PPM1A: variants seen among roughly 807,000 people sequenced by gnomAD.
PPM1A encodes protein phosphatase 1A.
Under a neutral mutation model 35.0 loss-of-function variants are expected in PPM1A, and 7 were observed. That is an observed-to-expected ratio of 0.20 (90% CI 0.11 to 0.38). PPM1A has a LOEUF of 0.38. Ranked by LOEUF, PPM1A falls within the 10% of genes least tolerant of loss-of-function variation. PPM1A has a pLI of 1.00. For missense variants in PPM1A, 239 were observed against 467.8 expected (o/e 0.51, Z 4.51); for synonymous variants, 153 against 167.3 (o/e 0.91, Z 0.66).
chr14:60,260,479 A>G (rs948592077), intron 1 of PPM1A, among the ~76,000 whole-genome samples: 3 of 152,126 alleles, frequency 2.0e-5, no homozygotes, highest in Non-Finnish European at 4.4e-5. Flanking sequence ...ACCTTTTTAT[A>G]TAAAATACTG....
Position 60,249,241 on chromosome 14 carries a change from T to C in PPM1A, c.-457T>C, listed in dbSNP as rs1486473024. ...GCGCTAGAGGCGGCGGCGGCGGCGG[T>C]GGCGGCGCTAGGGACGGGAGCGCGC... is the stretch of plus-strand genomic sequence containing the variant. On this transcript the variant is annotated 5_prime_UTR_variant, in exon 1 of 6. Transcript: ENST00000395076. The surrounding 1 kb of genome is among the most constrained non-coding windows in gnomAD (Gnocchi z 4.5). 34 of 981,846 alleles carry C rather than the reference T, an allele frequency of 3.5e-5. No individual in the cohort carries two copies. The highest frequency in any genetic ancestry group is 5.6e-5 in the African/African-American group (3 of 53,614). 60.8% of individuals were successfully genotyped at this position (981,846 alleles called of 1,614,324 possible). A position where few individuals can be genotyped will look rare whatever the true frequency, so the allele number is the denominator to read the frequency against.
upstream of PPM1A, among the ~76,000 whole-genome samples, chr14:60,246,629 A>G (rs1306362462): frequency 6.6e-6 from 1 of 152,140 alleles, no homozygotes; most frequent in Non-Finnish European, 1.5e-5. Flanking sequence ...TCTTTTTTCA[A>G]TGTTATTTTC....
At position 60,249,579 on chromosome 14, in the gene PPM1A, C is replaced by G. The variant is rs528924735; in HGVS notation, c.-119C>G. 1 of 986,742 alleles carries G rather than the reference C, an allele frequency of 1.0e-6. No homozygotes were observed. Among genetic ancestry groups the G allele is most frequent in the Non-Finnish European group, 1.2e-6 (1 of 831,086 alleles). The allele number at this position is 986,742 out of a possible 1,614,324, so 61.1% of individuals were successfully genotyped here. On this transcript the variant is annotated 5_prime_UTR_variant, in exon 1 of 6. Transcript: ENST00000395076. The surrounding 1 kb of genome is among the most constrained non-coding windows in gnomAD (Gnocchi z 4.5). ...GCCCGCCGCTGCAGCGGTGACCCCT[C>G]CCCCGGCTGCCGCCGTCGCCGCCGC...
chr14:60,260,906 T>C (rs759632881), intron 1 of PPM1A, among the ~76,000 whole-genome samples: 9 of 152,210 alleles, frequency 5.9e-5, no homozygotes, highest in Non-Finnish European at 8.8e-5. Context: ...TATTAAGTTA[T>C]TGAGAGACTG....
Position 60,292,959 on chromosome 14 carries a change from G to A in PPM1A, c.*477G>A, listed in dbSNP as rs1887785766. 6.6e-6 allele frequency: 1 copy of A among 152,464 alleles called. No homozygotes were observed. The highest frequency in any genetic ancestry group is 2.4e-5 in the African/African-American group (1 of 41,434). 9.4% of individuals were successfully genotyped at this position (152,464 alleles called of 1,614,324 possible). ...CAGCTACACGCTCAAATGTGCAGATGATTATGGAAAATAACCTCAAAATCT... is the reference window on the plus strand; with the variant it reads ...CAGCTACACGCTCAAATGTGCAGATAATTATGGAAAATAACCTCAAAATCT... On this transcript the variant is annotated 3_prime_UTR_variant, in exon 6 of 6. Coordinates refer to ENST00000395076, the MANE Select transcript of PPM1A (RefSeq NM_021003.5). This position sits in a 1 kb window ranked among gnomAD's most constrained non-coding sequence, Gnocchi z 4.2.
At chr14:60,259,829 A>G (rs998739296) in intron 1 of PPM1A, among the ~76,000 whole-genome samples, 6 of 152,080 alleles carry the variant, frequency 3.9e-5, no homozygotes, top group Admixed American at 2.6e-4. Flanking sequence ...TTTAGCTTAG[A>G]TGTTTTTCTA....
At chr14:60,290,553 A>G (rs1487272844) in intron 4 of PPM1A, among the ~76,000 whole-genome samples, 1 of 152,212 alleles carries the variant, frequency 6.6e-6, no homozygotes, top group East Asian at 1.9e-4. Flanking sequence ...TCAAATATCC[A>G]TATAATTGAC....
Position 60,282,970 on chromosome 14 carries a change from A to G in PPM1A, c.267A>G (p.Ala89=), listed in dbSNP as rs1256148200. The change falls in exon 2 of 6, where the codon GCA becomes GCG. Residue 89 remains alanine (A), a synonymous_variant. Transcript: ENST00000395076. The surrounding 1 kb of genome is among the most constrained non-coding windows in gnomAD (Gnocchi z 5.1). ...ITNNQDFKGS[A]GAPSVENVKN... ...ATAACCAGGATTTTAAAGGGTCTGC[A>G]GGAGCACCTTCTGTGGAAAATGTAA... 3 of 1,614,156 alleles carry G rather than the reference A, an allele frequency of 1.9e-6. No individual in the cohort carries two copies. Among genetic ancestry groups the G allele is most frequent in the Non-Finnish European group, 2.5e-6 (3 of 1,180,058 alleles).
intron 1 of PPM1A, among the ~76,000 whole-genome samples, chr14:60,259,440 GAA>G (rs1840133245): frequency 6.6e-6 from 1 of 152,040 alleles, no homozygotes; most frequent in South Asian, 2.1e-4. Flanking sequence ...TTAAGGAAGA[GAA>G]AAAAGGATGG....
chr14:60,289,951 A>T lies in PPM1A; in HGVS notation c.1061+37A>T. 7.4e-7 allele frequency: 1 copy of T among 1,343,558 alleles called. No homozygotes were observed. Among genetic ancestry groups the T allele is most frequent in the Non-Finnish European group, 1.0e-6 (1 of 981,598 alleles). The allele number at this position is 1,343,558 out of a possible 1,614,324, so 83.2% of individuals were successfully genotyped here. On this transcript the variant is annotated intron_variant, in intron 4 of 5. Transcript: ENST00000395076. The surrounding 1 kb of genome is among the most constrained non-coding windows in gnomAD (Gnocchi z 4.1). Reference sequence around the variant, plus strand: ...TCTGTACACTCTTATGCTTTATGTCAGTGTATGAAAATGTTAGGTATTCAT... The same window carrying T: ...TCTGTACACTCTTATGCTTTATGTCTGTGTATGAAAATGTTAGGTATTCAT...
intron 1 of PPM1A, among the ~76,000 whole-genome samples, chr14:60,251,610 A>C (rs1258958847): frequency 5.9e-5 from 9 of 152,190 alleles, no homozygotes; most frequent in Non-Finnish European, 8.8e-5. Flanking sequence ...ACTACATTTA[A>C]AAATTTTTTT....
intron 1 of PPM1A, among the ~76,000 whole-genome samples, chr14:60,264,325 A>AT (rs148686795): frequency 0.014 from 2,071 of 149,742 alleles, 44 homozygotes; most frequent in African/African-American, 0.047. Flanking sequence ...TCTGTATGTA[A>AT]TTTTTTTTTT....
chr14:60,270,571 T>C (rs1228201325), intron 1 of PPM1A, among the ~76,000 whole-genome samples: 2 of 152,196 alleles, frequency 1.3e-5, no homozygotes, highest in Non-Finnish European at 2.9e-5. Context: ...ATTACCTCTT[T>C]CCCCCTTGGA....
At chr14:60,249,156 C>CG (rs1882003568), upstream of PPM1A, 11 of 880,388 alleles carry the variant, frequency 1.2e-5, no homozygotes, top group South Asian at 5.0e-4. The surrounding 1 kb of genome is among the most constrained non-coding windows in gnomAD (Gnocchi z 4.5). Context: ...GCCAGCGGGG[C>CG]GGGGCGAGCG....
intron 1 of PPM1A, among the ~76,000 whole-genome samples, chr14:60,263,122 G>T (rs945793461): frequency 2.6e-5 from 4 of 152,094 alleles, no homozygotes; most frequent in African/African-American, 9.7e-5. Context: ...GGAGGCCGAG[G>T]CAGGAGAATT....
intron 1 of PPM1A, chr14:60,250,238 A>AT (rs2139305231): frequency 6.4e-6 from 1 of 157,372 alleles, no homozygotes; most frequent in Non-Finnish European, 1.4e-5. Flanking sequence ...TCAGTGAGTG[A>AT]TGCCTCTAGT....
chr14:60,253,767 A>G (rs1448959615), intron 1 of PPM1A, among the ~76,000 whole-genome samples: 1 of 152,190 alleles, frequency 6.6e-6, no homozygotes, highest in Non-Finnish European at 1.5e-5. Flanking sequence ...ATCCATGTTA[A>G]TTCTCAAGTG....
intron 1 of PPM1A, among the ~76,000 whole-genome samples, chr14:60,265,081 G>T (rs1280181249): frequency 1.3e-5 from 2 of 152,054 alleles, no homozygotes; most frequent in Non-Finnish European, 2.9e-5. Context: ...TTCTTATCCA[G>T]TGTTTTTACA....
rs768710567 is a variant in PPM1A, at chr14:60,282,697, A to G, written c.-7A>G. On this transcript the variant is annotated 5_prime_UTR_variant, in exon 2 of 6. Transcript: ENST00000395076. The surrounding 1 kb of genome is among the most constrained non-coding windows in gnomAD (Gnocchi z 5.1). ...CTTCCTTTGCAGACCTAGAGGATCAAGACATAATGGGAGCATTTTTAGACA... is the reference window on the plus strand; with the variant it reads ...CTTCCTTTGCAGACCTAGAGGATCAGGACATAATGGGAGCATTTTTAGACA... 1.9e-6 allele frequency: 3 copies of G among 1,614,014 alleles called. No homozygotes were observed. Among genetic ancestry groups the G allele is most frequent in the South Asian group, 2.2e-5 (2 of 91,056 alleles).
Sources: allele counts gnomAD v4.1 joint callset (sites outside exome capture counted in the v4.1 genomes callset), GRCh38; gene constraint gnomAD v4.1.1; non-coding constraint Gnocchi (gnomAD v3.1); transcripts MANE v1.5; gene names NCBI Gene and HGNC (gene_info 2026-07-23, HGNC 2026-07-21).